Variants in ABCB1 observed in about 807,000 individuals in gnomAD.
ABCB1 encodes ATP-dependent translocase ABCB1.
Under a neutral mutation model 142.0 loss-of-function variants are expected in ABCB1, and 69 were observed. The observed-to-expected ratio is 0.49, with a 90% CI of 0.40 to 0.59. The LOEUF (loss-of-function observed/expected upper bound fraction) is 0.59. ABCB1 is among the 20% of genes least tolerant of loss of function. The pLI is 0.00. For synonymous variants in ABCB1, 532 were observed against 539.2 expected, an observed-to-expected ratio of 0.99 and a Z score of 0.18; for missense variants, 1,326 against 1,554.7, an observed-to-expected ratio of 0.85 and a Z score of 2.47.
chr7:87,611,644 A>AT (rs1819854802), intron 1 of ABCB1, among the ~76,000 whole-genome samples: 2 of 152,006 alleles, frequency 1.3e-5, no homozygotes, highest in African/African-American at 4.8e-5. Context: ...TAGGTTGATT[A>AT]CATGTCTTTG....
chr7:87,687,603 C>T (rs1341146018), intron 1 of ABCB1, among the ~76,000 whole-genome samples: 2 of 152,112 alleles, frequency 1.3e-5, no homozygotes, highest in Non-Finnish European at 2.9e-5. Flanking sequence ...GCAGTGCCTA[C>T]GATATGGCAG....
chr7:87,592,981 G>T (rs1171899064), intron 3 of ABCB1, among the ~76,000 whole-genome samples: 1 of 148,744 alleles, frequency 6.7e-6, no homozygotes, highest in Non-Finnish European at 1.5e-5. Context: ...AGGCTAGAGT[G>T]CAGTAGCACA....
chr7:87,515,175 T>C, intron 25 of ABCB1, 56 bp downstream of exon 25: 1 of 1,596,400 alleles, frequency 6.3e-7, no homozygotes, highest in Non-Finnish European at 8.6e-7. Context: ...ATTAAATACA[T>C]TCAGACATTT....
chr7:87,627,156 AAT>A (rs1820713784), intron 1 of ABCB1, among the ~76,000 whole-genome samples: 5 of 152,278 alleles, frequency 3.3e-5, no homozygotes, highest in African/African-American at 9.6e-5. Context: ...GACTATTTTA[AAT>A]AGAGATTTTT....
intron 1 of ABCB1, among the ~76,000 whole-genome samples, chr7:87,700,807 T>TAATATC (rs1563144489): frequency 3.3e-5 from 5 of 152,210 alleles, no homozygotes; most frequent in Non-Finnish European, 7.3e-5. Context: ...TATTTTTATA[T>TAATATC]AATATCAACC....
intron 1 of ABCB1, among the ~76,000 whole-genome samples, chr7:87,625,118 G>T (rs999433586): frequency 3.3e-5 from 5 of 152,122 alleles, no homozygotes; most frequent in African/African-American, 1.2e-4. Flanking sequence ...TTAGCCGGGC[G>T]TGGTGGCAGG....
intron 4 of ABCB1, among the ~76,000 whole-genome samples, chr7:87,574,306 C>T (rs1818187127): frequency 6.6e-6 from 1 of 152,096 alleles, no homozygotes; most frequent in African/African-American, 2.4e-5. Flanking sequence ...CAACACTTGG[C>T]CTTCTCACTC....
intron 1 of ABCB1, among the ~76,000 whole-genome samples, chr7:87,689,435 G>A (rs1827805247): frequency 6.6e-6 from 1 of 151,832 alleles, no homozygotes; most frequent in Non-Finnish European, 1.5e-5. Flanking sequence ...TTTTAATCTT[G>A]GAAAATTGCT....
intron 1 of ABCB1, chr7:87,700,694 C>G: frequency 1.4e-6 from 1 of 733,666 alleles, no homozygotes; most frequent in Non-Finnish European, 2.1e-6. Flanking sequence ...TGTGATGTTT[C>G]TACATTTCTT....
chr7:87,592,358 G>T (rs1458856563), intron 3 of ABCB1, among the ~76,000 whole-genome samples: 1 of 152,162 alleles, frequency 6.6e-6, no homozygotes. Context: ...GGAGGAAACA[G>T]ATTCAGACAC....
chr7:87,639,277 T>G (rs535915017), intron 1 of ABCB1, among the ~76,000 whole-genome samples: 1 of 152,344 alleles, frequency 6.6e-6, no homozygotes, highest in East Asian at 1.9e-4. Context: ...CTGAAAGATT[T>G]TGAGCTTTTG....
At chr7:87,646,300 A>G (rs1032001244) in intron 1 of ABCB1, among the ~76,000 whole-genome samples, 2 of 152,154 alleles carry the variant, frequency 1.3e-5, no homozygotes, top group African/African-American at 2.4e-5. Flanking sequence ...TTCCCACTAC[A>G]TTTTACAAAG....
chr7:87,521,586 G>C (rs1815511354), intron 21 of ABCB1: 2 of 758,064 alleles, frequency 2.6e-6, no homozygotes, highest in Non-Finnish European at 4.8e-6. Context: ...GAATGCTCAT[G>C]GATTGCGTGG....
rs1827321502 is a variant in ABCB1 at position 87,685,058 on chromosome 7, G to T, written c.-331+28103C>A. Among the ~76,000 whole-genome samples the T allele has an allele frequency of 2.0e-5, 3 of 151,990 alleles. No individual in the cohort carries two copies. The South Asian group carries it at 6.2e-4, about 32-fold the overall frequency. On this transcript the variant is annotated intron_variant, in intron 1 of 28. Transcript: ENST00000265724. ...ACAGATTTTAGATATAACAACAAAA[G>T]TACAATCCATTAAACAAAAAAAATT...
chr7:87,584,094 T>C (rs973105525), intron 4 of ABCB1, among the ~76,000 whole-genome samples: 1 of 152,148 alleles, frequency 6.6e-6, no homozygotes, highest in East Asian at 1.9e-4. Flanking sequence ...AAGGATGTAA[T>C]AAAGCATAAG....
chr7:87,652,748 T>C (rs1313414253), intron 1 of ABCB1, among the ~76,000 whole-genome samples: 1 of 151,566 alleles, frequency 6.6e-6, no homozygotes, highest in African/African-American at 2.4e-5. Flanking sequence ...GGTATTTTAA[T>C]ATATAGCAAA....
In ABCB1 at chr7:87,544,807, G is replaced by A. The variant is rs200757124; in HGVS notation, c.2064+16C>T. On this transcript the variant is annotated intron_variant, in intron 16 of 27. Transcript: ENST00000622132. Reference sequence around the variant, plus strand: ...AGTTAGTGAGATTAAAACAAACTCCGCATCTCCCTTCATACCAGAGCCTCT... The same window carrying A: ...AGTTAGTGAGATTAAAACAAACTCCACATCTCCCTTCATACCAGAGCCTCT... 9.3e-6 allele frequency: 15 copies of A among 1,613,458 alleles called. No homozygotes were observed. The highest frequency in any genetic ancestry group is 1.6e-4 in the Middle Eastern group (1 of 6,084).
intron 3 of ABCB1, among the ~76,000 whole-genome samples, chr7:87,588,232 C>T (rs867693722): frequency 1.7e-4 from 25 of 151,434 alleles, no homozygotes; most frequent in Non-Finnish European, 7.4e-5. Context: ...TTGTTACATA[C>T]GTAAACTTGT....
At chr7:87,638,345 TTG>T (rs71524692) in intron 1 of ABCB1, among the ~76,000 whole-genome samples, 1,735 of 144,668 alleles carry the variant, frequency 0.012, 10 homozygotes, top group African/African-American at 0.023. Flanking sequence ...AAGTATGTGT[TTG>T]TGTGTGTGTG....
Sources: gnomAD v4.1 joint callset for allele counts (sites outside exome capture counted in the v4.1 genomes callset) on GRCh38, gnomAD v4.1.1 for gene constraint, MANE v1.5 for transcripts, NCBI Gene and HGNC (gene_info 2026-07-23, HGNC 2026-07-21) for gene names.